The following AZGP1 variants were observed in gnomAD, a reference collection of about 807,000 sequenced individuals.
The protein encoded by AZGP1 is zinc-alpha-2-glycoprotein.
Under a neutral mutation model 31.5 loss-of-function variants are expected in AZGP1, and 28 were observed. The ratio of observed to expected loss-of-function variants is 0.89; its 90% confidence interval spans 0.66 to 1.22. The LOEUF is 1.22. Ranked by LOEUF, AZGP1 falls within the 50% of genes most tolerant of loss-of-function variation. The probability of loss-of-function intolerance (pLI) is 0.00; values close to 1 mark genes in which losing one functional copy is unlikely to be tolerated. For missense variants in AZGP1, 361 were observed against 371.8 expected, an observed-to-expected ratio of 0.97 and a Z score of 0.24; for synonymous variants, 135 against 145.4, an observed-to-expected ratio of 0.93 and a Z score of 0.51.
At chr7:99,975,488 A>G (rs1467034488) in intron 1 of AZGP1, among the ~76,000 whole-genome samples, 3 of 151,642 alleles carry the variant, frequency 2.0e-5, no homozygotes, top group East Asian at 1.9e-4. Flanking sequence ...TGAGTGTGGG[A>G]TTTGGGCACG....
At chr7:99,972,036 G>C (rs371847507) in intron 1 of AZGP1, 30 bp from the exon 2 acceptor site, 4 of 1,576,912 alleles carry the variant, frequency 2.5e-6, no homozygotes, top group Non-Finnish European at 2.6e-6. Context: ...GATGGTTGAG[G>C]TCCATGCAAG....
chr7:99,968,453 A>G (rs1314691512), intron 2 of AZGP1, 23 bp from the exon 3 acceptor site: 2 of 1,607,098 alleles, frequency 1.2e-6, no homozygotes, highest in South Asian at 1.1e-5. Context: ...CCGACCCCAC[A>G]GAGAGACAGT....
intron 2 of AZGP1, among the ~76,000 whole-genome samples, chr7:99,968,962 C>CAAAAAA (rs869115613): frequency 0.076 from 2,019 of 26,696 alleles, 856 homozygotes; most frequent in African/African-American, 0.18. Flanking sequence ...GACCCTATCT[C>CAAAAAA]AAAAAAAAAA....
intron 3 of AZGP1, chr7:99,967,922 T>A: frequency 1.6e-6 from 1 of 634,682 alleles, no homozygotes; most frequent in East Asian, 2.7e-5. Context: ...TTGGGGACAC[T>A]CATCAAGAAA....
intron 2 of AZGP1, among the ~76,000 whole-genome samples, chr7:99,969,886 C>T (rs2115680427): frequency 1.3e-5 from 2 of 152,276 alleles, no homozygotes; most frequent in Middle Eastern, 3.4e-3. Context: ...ACCTTCTTGC[C>T]CATTAGCCAC....
intron 2 of AZGP1, among the ~76,000 whole-genome samples, chr7:99,971,323 T>G (rs1789572091): frequency 6.6e-6 from 1 of 152,224 alleles, no homozygotes; most frequent in South Asian, 2.1e-4. Flanking sequence ...AACGTTTCAC[T>G]GTCAACAGCT....
intron 2 of AZGP1, among the ~76,000 whole-genome samples, chr7:99,969,473 G>T (rs746899535): frequency 4.0e-5 from 6 of 151,278 alleles, no homozygotes; most frequent in Non-Finnish European, 7.4e-5. Context: ...CCCAGTTATC[G>T]GGAGGCTGAG....
In AZGP1 at chr7:99,968,292, G is replaced by A; in HGVS notation, c.476C>T (p.Pro159Leu). 1 of 1,613,754 alleles carries A rather than the reference G, an allele frequency of 6.2e-7. No homozygotes were observed. Among genetic ancestry groups the A allele is most frequent in the Non-Finnish European group, 8.5e-7 (1 of 1,179,986 alleles). The change falls in exon 3 of 4, where the codon CCA becomes CTA. Residue 159 changes from proline to leucine, a missense_variant. Pro to Leu is a moderately conservative substitution (Grantham distance 98). Coordinates refer to ENST00000292401, the MANE Select transcript of AZGP1 (RefSeq NM_001185.4). ...KEIPAWVPFD[P>L]AAQITKQKWE... Reference sequence around the variant, plus strand: ...CTTCTGCTTGGTTATCTGGGCTGCTGGGTCGAAGGGGACCCAGGCTGGGAT... The same window carrying A: ...CTTCTGCTTGGTTATCTGGGCTGCTAGGTCGAAGGGGACCCAGGCTGGGAT...
intron 2 of AZGP1, among the ~76,000 whole-genome samples, chr7:99,969,403 A>T (rs1210748620): frequency 1.4e-4 from 7 of 51,190 alleles, no homozygotes; most frequent in African/African-American, 5.6e-4. Context: ...AGCAAGACTC[A>T]GTCTTAAAAA....
chr7:99,966,856 T>C lies in AZGP1; in HGVS notation c.*147A>G. 3 of 1,283,354 alleles carry C rather than the reference T, an allele frequency of 2.3e-6. No individual in the cohort carries two copies. The highest frequency in any genetic ancestry group is 3.2e-6 in the Non-Finnish European group (3 of 934,720). The allele number at this position is 1,283,354 out of a possible 1,614,324, so 79.5% of individuals were successfully genotyped here. A position where few individuals can be genotyped will look rare whatever the true frequency, so the allele number is the denominator to read the frequency against. On this transcript the variant is annotated 3_prime_UTR_variant, in exon 4 of 4. Transcript: ENST00000292401. ...AAGACAGGCATCCCAGTCTTCGGTCTCCAAATCCACCTCCTGTCTGTCCCC... is the reference window on the plus strand; with the variant it reads ...AAGACAGGCATCCCAGTCTTCGGTCCCCAAATCCACCTCCTGTCTGTCCCC...
At position 99,967,407 on chromosome 7, in the gene AZGP1, AC is replaced by A. The variant is rs144589706; in HGVS notation, c.614-122del. ...AGAGCTCGAAGCTCTGTACCTGCCC[AC>A]CCCCAGCCCCGGGAGACTTTCCAGA... On this transcript the variant is annotated intron_variant, in intron 3 of 3. Transcript: ENST00000292401. 3,007 of 1,155,394 alleles carry A rather than the reference AC, an allele frequency of 2.6e-3. 68 individuals are homozygous for A. The African/African-American group carries it at 0.038, about 15-fold the overall frequency. The allele number at this position is 1,155,394 out of a possible 1,614,324, so 71.6% of individuals were successfully genotyped here.
chr7:99,975,617 C>G lies in AZGP1; in HGVS notation c.76+328G>C, dbSNP rs147748863. Reference sequence around the variant, plus strand: ...CCAGCCATCGGAAGGAGGGAAGGAACAGGAGCAGAAGCAGCTCCAGGCATA... The same window carrying G: ...CCAGCCATCGGAAGGAGGGAAGGAAGAGGAGCAGAAGCAGCTCCAGGCATA... On this transcript the variant is annotated intron_variant, in intron 1 of 3. Transcript: ENST00000292401. Among the ~76,000 whole-genome samples the G allele has an allele frequency of 8.1e-3, 1,234 of 152,294 alleles. 20 individuals are homozygous for G. Among genetic ancestry groups the G allele is most frequent in the African/African-American group, 0.028 (1,160 of 41,536 alleles).
chr7:99,971,008 T>C (rs1353274375), intron 2 of AZGP1, among the ~76,000 whole-genome samples: 2 of 152,198 alleles, frequency 1.3e-5, no homozygotes, highest in Non-Finnish European at 2.9e-5. Flanking sequence ...TTCCTGGGTC[T>C]GCATCGTATG....
rs1356945616 is a variant in AZGP1 at position 99,971,931 on chromosome 7, C to A, written c.152G>T (p.Gly51Val). ...AAAGAACTGGAGGTCATTGAGTGAGCCAAGGGCCTGAAACGCGGGGACGTC... is the reference window on the plus strand; with the variant it reads ...AAAGAACTGGAGGTCATTGAGTGAGACAAGGGCCTGAAACGCGGGGACGTC... ...VEDVPAFQALGSLNDLQFFRY... is the reference protein window; with the variant it reads ...VEDVPAFQALVSLNDLQFFRY... The change falls in exon 2 of 4, where the codon GGC becomes GTC. Residue 51 changes from glycine to valine, a missense_variant. Physicochemically the swap from Gly to Val is moderately radical, Grantham distance 109 (BLOSUM62 -3). Coordinates refer to ENST00000292401, the MANE Select transcript of AZGP1 (RefSeq NM_001185.4). 1.2e-5 allele frequency: 19 copies of A among 1,614,090 alleles called. No homozygotes were observed. Among genetic ancestry groups the A allele is most frequent in the Non-Finnish European group, 1.6e-5 (19 of 1,179,992 alleles).
At chr7:99,975,720 G>T (rs891044087) in intron 1 of AZGP1, among the ~76,000 whole-genome samples, 4 of 152,124 alleles carry the variant, frequency 2.6e-5, no homozygotes, top group African/African-American at 9.7e-5. Context: ...CTGTAAACTA[G>T]GGGTTTTAGA....
At position 99,966,989 on chromosome 7, in the gene AZGP1, C is replaced by G; in HGVS notation, c.*14G>C. 1 of 1,611,208 alleles carries G rather than the reference C, an allele frequency of 6.2e-7. No homozygotes were observed. Reference sequence around the variant, plus strand: ...CTGGGTCTGAGATCCCACATTGCCTCCAACCCTTGCTTCCTAGCTGGCCTC... The same window carrying G: ...CTGGGTCTGAGATCCCACATTGCCTGCAACCCTTGCTTCCTAGCTGGCCTC... On this transcript the variant is annotated 3_prime_UTR_variant, in exon 4 of 4. Transcript: ENST00000292401.
intron 2 of AZGP1, among the ~76,000 whole-genome samples, chr7:99,970,506 G>A (rs1409846094): frequency 6.6e-6 from 1 of 152,076 alleles, no homozygotes; most frequent in Admixed American, 6.6e-5. Flanking sequence ...GCCTCCCAAA[G>A]TGCTGGGATT....
At chr7:99,971,315 C>T (rs181116862) in intron 2 of AZGP1, among the ~76,000 whole-genome samples, 291 of 152,294 alleles carry the variant, frequency 1.9e-3, no homozygotes, top group African/African-American at 6.2e-3. Flanking sequence ...ATTTTGGGAA[C>T]GTTTCACTGT....
Position 99,966,957 on chromosome 7 carries a change from G to A in AZGP1, c.*46C>T. On this transcript the variant is annotated 3_prime_UTR_variant, in exon 4 of 4. Transcript: ENST00000292401. ...TCAGCTCCCACATCAGGCAGGAAGG[G>A]CAGCTACTGGGTCTGAGATCCCACA... The A allele has an allele frequency of 1.3e-6, 2 of 1,589,040 alleles. No homozygotes were observed. Among genetic ancestry groups the A allele is most frequent in the South Asian group, 1.1e-5 (1 of 87,674 alleles).
Sources: allele counts gnomAD v4.1 joint callset (sites outside exome capture counted in the v4.1 genomes callset), GRCh38; gene constraint gnomAD v4.1.1; transcripts MANE v1.5; gene names NCBI Gene and HGNC (gene_info 2026-07-23, HGNC 2026-07-21).